Variants in MAP4K4 observed in about 807,000 individuals in gnomAD.
MAP4K4 encodes the protein HPK/GCK-like kinase HGK.
MAP4K4 carries 38 observed loss-of-function variants against 189.6 expected under a neutral mutation model. That is an observed-to-expected ratio of 0.20 (90% confidence interval 0.15 to 0.26). The LOEUF (loss-of-function observed/expected upper bound fraction) is 0.26, where lower values mean the gene tolerates loss of function less well. Among genes scored for constraint, MAP4K4 ranks in the 10% least tolerant of loss-of-function variants. MAP4K4 has a pLI of 1.00. For missense variants in MAP4K4, 1,054 were observed against 1,726.9 expected (o/e 0.61, Z 6.91); for synonymous variants, 610 against 624.3 (o/e 0.98, Z 0.34).
At chr2:101,805,051 T>A (rs1575853360) in intron 3 of MAP4K4, among the ~76,000 whole-genome samples, 1 of 122,938 alleles carries the variant, frequency 8.1e-6, no homozygotes, top group African/African-American at 3.3e-5. Context: ...CCAGCCTGGG[T>A]GACAGGGCGA....
intron 3 of MAP4K4, among the ~76,000 whole-genome samples, chr2:101,795,537 G>A (rs565836414): frequency 7.2e-5 from 11 of 152,242 alleles, no homozygotes; most frequent in East Asian, 3.9e-4. Flanking sequence ...GCCTTTTGAC[G>A]TGCCACTATT....
At chr2:101,831,057 T>C (rs768538297) in intron 6 of MAP4K4, among the ~76,000 whole-genome samples, 1 of 152,174 alleles carries the variant, frequency 6.6e-6, no homozygotes, top group Non-Finnish European at 1.5e-5. Context: ...AGTGATAGTG[T>C]TGGCAGGGAG....
intron 23 of MAP4K4, among the ~76,000 whole-genome samples, chr2:101,870,827 G>A (rs2150036795): frequency 6.6e-6 from 1 of 152,166 alleles, no homozygotes; most frequent in East Asian, 1.9e-4. Context: ...GTGGGAGCGG[G>A]TGAGGCAGGC....
intron 24 of MAP4K4, among the ~76,000 whole-genome samples, chr2:101,871,926 T>C (rs2098039556): frequency 6.6e-6 from 1 of 152,216 alleles, no homozygotes; most frequent in Non-Finnish European, 1.5e-5. Context: ...TAGATAAGTA[T>C]AGTTGCATGG....
intron 15 of MAP4K4, 31 bp from the exon 16 acceptor site, chr2:101,860,794 C>T: frequency 1.3e-6 from 2 of 1,565,800 alleles, no homozygotes; most frequent in South Asian, 2.4e-5. Flanking sequence ...CCTACTAACA[C>T]TGAGTTATGT....
At chr2:101,834,347 C>T (rs2096680429) in intron 7 of MAP4K4, 62 bp from the exon 8 acceptor site, 1 of 1,240,416 alleles carries the variant, frequency 8.1e-7, no homozygotes, top group Non-Finnish European at 1.2e-6. Context: ...AATACCCAGA[C>T]ATGTAAGTTA....
intron 2 of MAP4K4, among the ~76,000 whole-genome samples, chr2:101,744,887 G>C (rs2064505044): frequency 6.6e-6 from 1 of 152,194 alleles, no homozygotes; most frequent in Non-Finnish European, 1.5e-5. Context: ...GTTTCTCAGA[G>C]AGCAACTCTT....
At chr2:101,708,752 C>T (rs895030745) in intron 2 of MAP4K4, among the ~76,000 whole-genome samples, 20 of 152,286 alleles carry the variant, frequency 1.3e-4, no homozygotes, top group African/African-American at 3.6e-4. Context: ...TTAGATTCCT[C>T]GTAGTGATTT....
At chr2:101,772,651 T>G (rs2082029361) in intron 2 of MAP4K4, among the ~76,000 whole-genome samples, 1 of 152,252 alleles carries the variant, frequency 6.6e-6, no homozygotes, top group African/African-American at 2.4e-5. Flanking sequence ...ACTGGAAAAG[T>G]GTGCATAACA....
chr2:101,811,148 T>C (rs111883002), intron 3 of MAP4K4, among the ~76,000 whole-genome samples: 63 of 151,592 alleles, frequency 4.2e-4, no homozygotes, highest in African/African-American at 1.5e-3. Flanking sequence ...CCGAGGCGGG[T>C]GGATCACGAG....
At chr2:101,837,179 G>A (rs2096783685) in intron 9 of MAP4K4, among the ~76,000 whole-genome samples, 1 of 145,542 alleles carries the variant, frequency 6.9e-6, no homozygotes, top group Non-Finnish European at 1.5e-5. Context: ...CTCTCCTTCT[G>A]AAATATGCAG....
intron 26 of MAP4K4, among the ~76,000 whole-genome samples, chr2:101,875,523 T>A (rs577760571): frequency 6.6e-6 from 1 of 152,304 alleles, no homozygotes; most frequent in Non-Finnish European, 1.5e-5. Context: ...GTTCTCTCAA[T>A]GCCGTCACAA....
intron 2 of MAP4K4, among the ~76,000 whole-genome samples, chr2:101,723,704 T>C (rs1054700028): frequency 4.6e-5 from 7 of 152,366 alleles, no homozygotes; most frequent in African/African-American, 1.7e-4. Flanking sequence ...TTTTTGTTGC[T>C]AGCCTTGCTT....
intron 3 of MAP4K4, among the ~76,000 whole-genome samples, chr2:101,808,704 T>C (rs1444498020): frequency 6.6e-6 from 1 of 152,256 alleles, no homozygotes; most frequent in East Asian, 1.9e-4. Context: ...GGATAAAATA[T>C]AGAGAAGTAA....
At chr2:101,740,973 C>T (rs1558669520) in intron 2 of MAP4K4, among the ~76,000 whole-genome samples, 1 of 152,194 alleles carries the variant, frequency 6.6e-6, no homozygotes, top group East Asian at 1.9e-4. Flanking sequence ...TTGTTACTCT[C>T]ATTGCTACAA....
At chr2:101,878,890 C>G (rs1358155958) in intron 27 of MAP4K4, among the ~76,000 whole-genome samples, 2 of 152,086 alleles carry the variant, frequency 1.3e-5, no homozygotes, top group Non-Finnish European at 2.9e-5. Context: ...AAAGGAGTTT[C>G]TTGAAATGCA....
intron 6 of MAP4K4, 91 bp from the exon 7 acceptor site, chr2:101,831,630 G>A (rs1277198289): frequency 1.9e-5 from 26 of 1,367,030 alleles, no homozygotes; most frequent in Non-Finnish European, 2.4e-5. Flanking sequence ...AGTTTACTAT[G>A]AAGACATTTC....
intron 2 of MAP4K4, among the ~76,000 whole-genome samples, chr2:101,751,196 C>T (rs192632394): frequency 9.3e-4 from 142 of 152,276 alleles, no homozygotes; most frequent in African/African-American, 3.3e-3. Context: ...TACATACACA[C>T]ATTCTTATCA....
At chr2:101,807,467 G>A (rs2095062687) in intron 3 of MAP4K4, among the ~76,000 whole-genome samples, 2 of 152,154 alleles carry the variant, frequency 1.3e-5, no homozygotes, top group Non-Finnish European at 2.9e-5. Flanking sequence ...ATAGTTCATA[G>A]GGTGGGGTGG....
Sources: allele counts gnomAD v4.1 joint callset (sites outside exome capture counted in the v4.1 genomes callset), GRCh38; gene constraint gnomAD v4.1.1; transcripts MANE v1.5; gene names NCBI Gene and HGNC (gene_info 2026-07-23, HGNC 2026-07-21).